Variants in METAP2 observed in about 807,000 individuals in gnomAD.
The protein encoded by METAP2 is methionyl aminopeptidase 2, also known as methionine aminopeptidase 2.
METAP2 carries 25 observed loss-of-function variants against 59.4 expected under a neutral mutation model. That is an observed-to-expected ratio of 0.42 (90% CI 0.31 to 0.59). The LOEUF (loss-of-function observed/expected upper bound fraction) is 0.59, where lower values mean the gene tolerates loss of function less well. METAP2 is among the 20% of genes least tolerant of loss of function. The probability of loss-of-function intolerance (pLI) is 0.16; values close to 1 mark genes in which losing one functional copy is unlikely to be tolerated. For synonymous variants in METAP2, 214 were observed against 194.1 expected (o/e 1.10, Z -0.85); for missense variants, 366 against 581.2 (o/e 0.63, Z 3.81).
At chr12:95,509,192 G>A (rs2076383476) in intron 8 of METAP2, among the ~76,000 whole-genome samples, 1 of 152,100 alleles carries the variant, frequency 6.6e-6, no homozygotes, top group African/African-American at 2.4e-5. Context: ...ATATTAGGTT[G>A]GTATGGCTAA....
chr12:95,486,992 A>T (rs959552465), intron 4 of METAP2, among the ~76,000 whole-genome samples: 3 of 152,210 alleles, frequency 2.0e-5, no homozygotes, highest in Non-Finnish European at 4.4e-5. Context: ...CCCAGTTCTG[A>T]CATTTATTAG....
At chr12:95,492,550 ATTTTTATTTTTTAT>A (rs1021072334) in intron 4 of METAP2, among the ~76,000 whole-genome samples, 15 of 151,496 alleles carry the variant, frequency 9.9e-5, no homozygotes, top group African/African-American at 3.6e-4. Flanking sequence ...TTTATTATTT[ATTTTTATTTTTTAT>A]TTTTTATTTT....
intron 7 of METAP2, among the ~76,000 whole-genome samples, chr12:95,502,551 T>TGG (rs1434026351): frequency 1.3e-5 from 2 of 151,854 alleles, no homozygotes; most frequent in African/African-American, 4.8e-5. Context: ...TGTGTGTGTG[T>TGG]GTGGGGGGGT....
rs60788079 is a variant in METAP2, at chr12:95,513,090, T to TACACACACACACACAC, written c.1184+202_1184+217dup. Among the ~76,000 whole-genome samples, 359 of 136,170 alleles carry TACACACACACACACAC rather than the reference T, an allele frequency of 2.6e-3. 5 individuals are homozygous for TACACACACACACACAC. The highest frequency in any genetic ancestry group is 0.016 in the Admixed American group (209 of 13,004). 89.3% of individuals were successfully genotyped at this position (136,170 alleles called of 152,430 possible). On this transcript the variant is annotated intron_variant, in intron 10 of 10. Coordinates refer to ENST00000323666, the MANE Select transcript of METAP2 (RefSeq NM_006838.4). Reference sequence around the variant, plus strand: ...TAAACATTTTAACTGAGATAAAAATTACACACACACACACACACACACACA... The same window carrying TACACACACACACACAC: ...TAAACATTTTAACTGAGATAAAAATTACACACACACACACACACACACACACACACACACACACACA...
chr12:95,494,656 A>G (rs1160080102), intron 5 of METAP2, among the ~76,000 whole-genome samples: 2 of 152,116 alleles, frequency 1.3e-5, no homozygotes, highest in South Asian at 2.1e-4. Flanking sequence ...TACAACATGA[A>G]CAAATAAGAT....
intron 8 of METAP2, among the ~76,000 whole-genome samples, chr12:95,510,879 T>TTA (rs2076396976): frequency 6.6e-6 from 1 of 152,190 alleles, no homozygotes; most frequent in Non-Finnish European, 1.5e-5. Flanking sequence ...TTTTGAACTA[T>TTA]TATATATATG....
Position 95,474,327 on chromosome 12 carries a change from G to A in METAP2, c.148G>A (p.Ala50Thr). 1 of 1,613,974 alleles carries A rather than the reference G, an allele frequency of 6.2e-7. No homozygotes were observed. Among genetic ancestry groups the A allele is most frequent in the Non-Finnish European group, 8.5e-7 (1 of 1,179,972 alleles). The change falls in exon 1 of 11, where the codon GCA becomes ACA. Residue 50 changes from alanine (A) to threonine (T), a missense_variant. Ala to Thr is a moderately conservative substitution (Grantham distance 58, BLOSUM62 0). Around this residue, in one of 4 missense-constraint regions of METAP2, gnomAD observed 177 missense variants for 180.3 expected, o/e 0.98. Coordinates refer to ENST00000323666, the MANE Select transcript of METAP2 (RefSeq NM_006838.4). ...GAAGAAGAAGAGCAAAGGGCCTTCT[G>A]CAGGTAAAGAGAGTTTTATGTTTTC... ...RKKKKSKGPS[A>T]AGEQEPDKES...
chr12:95,483,158 T>A (rs2076171045), intron 2 of METAP2, 57 bp from the exon 3 acceptor site: 1 of 1,320,044 alleles, frequency 7.6e-7, no homozygotes, highest in Non-Finnish European at 1.1e-6. Flanking sequence ...TTGTACTTGC[T>A]TTGTCCCTCT....
intron 2 of METAP2, 55 bp downstream of exon 2, chr12:95,476,233 G>A: frequency 1.7e-6 from 2 of 1,194,986 alleles, no homozygotes; most frequent in South Asian, 1.4e-5. Flanking sequence ...GTAGCCGGGT[G>A]TGGTGGCACA....
At position 95,474,307 on chromosome 12, in the gene METAP2, A is replaced by C; in HGVS notation, c.128A>C (p.Lys43Thr). 6.2e-7 allele frequency: 1 copy of C among 1,614,204 alleles called. No homozygotes were observed. Among genetic ancestry groups the C allele is most frequent in the Non-Finnish European group, 8.5e-7 (1 of 1,180,028 alleles). The change falls in exon 1 of 11, where the codon AAG (lysine) becomes ACG (threonine). Residue 43 changes from lysine to threonine, a missense_variant. This residue lies in a region of METAP2 where 177 missense variants were observed against 180.3 expected (regional missense o/e 0.98). Coordinates refer to ENST00000323666, the MANE Select transcript of METAP2 (RefSeq NM_006838.4). Reference sequence around the variant, plus strand: ...GCCAAGAAAAAAAGACGAAAGAAGAAGAAGAGCAAAGGGCCTTCTGCAGGT... The same window carrying C: ...GCCAAGAAAAAAAGACGAAAGAAGACGAAGAGCAAAGGGCCTTCTGCAGGT... The part of the protein sequence containing the change: ...EAAKKKRRKK[K>T]KSKGPSAAGE...
intron 7 of METAP2, among the ~76,000 whole-genome samples, chr12:95,497,970 A>G (rs1217673805): frequency 6.8e-6 from 1 of 147,496 alleles, no homozygotes; most frequent in East Asian, 1.9e-4. Context: ...TACTAAAAAT[A>G]CCAAAAAAAA....
rs766155534 is a variant in METAP2 at position 95,513,926 on chromosome 12, A to C, written c.*22A>C. 5 of 1,590,866 alleles carry C rather than the reference A, an allele frequency of 3.1e-6. No individual in the cohort carries two copies. In the South Asian group the frequency reaches 5.7e-5, roughly 18 times the overall value. On this transcript the variant is annotated 3_prime_UTR_variant, in exon 11 of 11. Coordinates refer to ENST00000323666, the MANE Select transcript of METAP2 (RefSeq NM_006838.4). ...TTAAACTTAGTCCAAAGCCACCTCA[A>C]CACCTTTATTTTCTGAGCTTTGTTG... is the stretch of plus-strand genomic sequence containing the variant.
chr12:95,497,907 C>G (rs564327109), intron 7 of METAP2, among the ~76,000 whole-genome samples: 47 of 150,452 alleles, frequency 3.1e-4, no homozygotes, highest in Non-Finnish European at 4.3e-4. Context: ...GCGGGTGGAT[C>G]ACGAAGTCAG....
Position 95,512,066 on chromosome 12 carries a change from A to T in METAP2, c.1068+68A>T. Reference sequence around the variant, plus strand: ...TTTCTTCCAAGCAGAAGGTCATGGTAGTTAAATATATGGTTATACTGACCA... The same window carrying T: ...TTTCTTCCAAGCAGAAGGTCATGGTTGTTAAATATATGGTTATACTGACCA... On this transcript the variant is annotated intron_variant, in intron 9 of 10. Coordinates refer to ENST00000323666, the MANE Select transcript of METAP2 (RefSeq NM_006838.4). 2.7e-6 allele frequency: 3 copies of T among 1,097,346 alleles called. No homozygotes were observed. In the African/African-American group the frequency reaches 4.7e-5, roughly 17 times the overall value. The allele number at this position is 1,097,346 out of a possible 1,614,324, so 68.0% of individuals were successfully genotyped here.
chr12:95,488,755 A>G (rs2076216523), intron 4 of METAP2, among the ~76,000 whole-genome samples: 1 of 152,078 alleles, frequency 6.6e-6, no homozygotes, highest in Non-Finnish European at 1.5e-5. Flanking sequence ...TATATAATGG[A>G]ATCAGTTTCT....
chr12:95,475,143 T>A (rs2076108870), intron 1 of METAP2, among the ~76,000 whole-genome samples: 1 of 152,334 alleles, frequency 6.6e-6, no homozygotes, highest in East Asian at 1.9e-4. Context: ...GTGTTTTTGC[T>A]GCACAAGCTC....
chr12:95,499,956 C>A (rs2076303105), intron 7 of METAP2, among the ~76,000 whole-genome samples: 1 of 152,156 alleles, frequency 6.6e-6, no homozygotes, highest in South Asian at 2.1e-4. Flanking sequence ...ATGGGGGAAC[C>A]ACCCCCATGA....
At chr12:95,505,286 G>GTT (rs1336897299) in intron 8 of METAP2, among the ~76,000 whole-genome samples, 1 of 152,164 alleles carries the variant, frequency 6.6e-6, no homozygotes, top group Non-Finnish European at 1.5e-5. Context: ...TACCACCAAC[G>GTT]TAACAGTCCT....
At chr12:95,506,644 T>C (rs2076362685) in intron 8 of METAP2, among the ~76,000 whole-genome samples, 1 of 152,070 alleles carries the variant, frequency 6.6e-6, no homozygotes, top group African/African-American at 2.4e-5. Flanking sequence ...TTCATTGTTC[T>C]TCAAGGTTTC....
Sources: allele counts gnomAD v4.1 joint callset (sites outside exome capture counted in the v4.1 genomes callset), GRCh38; gene constraint gnomAD v4.1.1; regional missense constraint gnomAD v4.1.1; transcripts MANE v1.5; gene names NCBI Gene and HGNC (gene_info 2026-07-23, HGNC 2026-07-21).